The following LRPPRC variants were observed in gnomAD, a reference collection of about 807,000 sequenced individuals.
The protein encoded by LRPPRC is leucine-rich PPR motif-containing protein, mitochondrial.
Under a neutral mutation model 180.3 loss-of-function variants are expected in LRPPRC, and 120 were observed. That is an observed-to-expected ratio of 0.67 (90% CI 0.57 to 0.77). The LOEUF is 0.77. LRPPRC is among the 30% of genes least tolerant of loss of function. The probability of loss-of-function intolerance (pLI) is 0.00; values close to 1 mark genes in which losing one functional copy is unlikely to be tolerated. For missense variants in LRPPRC, 2,012 were observed against 1,657.2 expected (o/e 1.21, Z -3.72); for synonymous variants, 723 against 600.0 (o/e 1.21, Z -3.00).
chr2:43,957,856 A>ATTCTT (rs1375372710), intron 13 of LRPPRC, among the ~76,000 whole-genome samples: 2 of 152,168 alleles, frequency 1.3e-5, no homozygotes, highest in Non-Finnish European at 2.9e-5. Context: ...GAGAGGAAAA[A>ATTCTT]TTCTTTTCTC....
intron 1 of LRPPRC, among the ~76,000 whole-genome samples, chr2:43,986,034 T>C (rs561589874): frequency 1.8e-4 from 28 of 152,330 alleles, no homozygotes; most frequent in African/African-American, 6.7e-4. Flanking sequence ...ATTGTTGTTT[T>C]AATTTATATT....
chr2:43,905,917 C>T, intron 30 of LRPPRC, 137 bp from the exon 31 acceptor site: 2 of 718,140 alleles, frequency 2.8e-6, no homozygotes, highest in East Asian at 5.4e-5. Context: ...GACCTGGAGA[C>T]AGCTTTTGTG....
At chr2:43,952,133 C>T (rs955031426) in intron 14 of LRPPRC, among the ~76,000 whole-genome samples, 3 of 150,948 alleles carry the variant, frequency 2.0e-5, no homozygotes, top group African/African-American at 7.3e-5. Flanking sequence ...GCGGAGGTTG[C>T]GGTGAGCCAA....
chr2:43,924,512 A>T (rs1030902764), intron 27 of LRPPRC, among the ~76,000 whole-genome samples: 1 of 152,200 alleles, frequency 6.6e-6, no homozygotes, highest in Non-Finnish European at 1.5e-5. Context: ...AGGAGATGAT[A>T]GGCTGAATAA....
At chr2:43,914,178 T>C (rs548377839) in intron 29 of LRPPRC, among the ~76,000 whole-genome samples, 2 of 152,218 alleles carry the variant, frequency 1.3e-5, no homozygotes, top group African/African-American at 2.4e-5. Context: ...GAAACTCTTG[T>C]TGTTTTCTAA....
At position 43,943,883 on chromosome 2, in the gene LRPPRC, T is replaced by C. The variant is rs976367124; in HGVS notation, c.2308A>G (p.Ile770Val). ...TCCTTCTCTTTCATCTCCTTCAGAA[T>C]GTTAATAGCATCTACAATGAAGTAA... ...KHGKLQDAIN[I>V]LKEMKEKDVL... The change falls in exon 23 of 38, where the codon ATT (isoleucine) becomes GTT (valine). Residue 770 changes from isoleucine to valine, a missense_variant. Ile to Val is a conservative substitution (Grantham distance 29). Transcript: ENST00000260665. 6 of 1,611,646 alleles carry C rather than the reference T, an allele frequency of 3.7e-6. No homozygotes were observed. Among genetic ancestry groups the C allele is most frequent in the African/African-American group, 1.3e-5 (1 of 74,876 alleles).
At position 43,975,142 on chromosome 2, in the gene LRPPRC, G is replaced by A. The variant is rs765843815; in HGVS notation, c.813C>T (p.Leu271=). ...AGIEPGPDTY[L]ALLNAYAEKG... The stretch of plus-strand genomic sequence containing the variant: ...TCTCAGCATATGCATTCAATAATGC[G>A]AGGTATGTGTCTGGACCAGGCTCAA... The change falls in exon 7 of 38, where the codon CTC becomes CTT. Residue 271 remains leucine (L), a synonymous_variant. Coordinates refer to ENST00000260665, the MANE Select transcript of LRPPRC (RefSeq NM_133259.4). 22 of 1,612,930 alleles carry A rather than the reference G, an allele frequency of 1.4e-5. No individual in the cohort carries two copies. In the South Asian group the frequency reaches 2.1e-4, roughly 15 times the overall value.
rs763321102 is a variant in LRPPRC at position 43,894,639 on chromosome 2, T to C, written c.3901-10A>G. 2 of 1,366,024 alleles carry C rather than the reference T, an allele frequency of 1.5e-6. No homozygotes were observed. Among genetic ancestry groups the C allele is most frequent in the South Asian group, 2.3e-5 (2 of 85,892 alleles). 84.6% of individuals were successfully genotyped at this position (1,366,024 alleles called of 1,614,324 possible). A position where few individuals can be genotyped will look rare whatever the true frequency, so the allele number is the denominator to read the frequency against. ...ATTTCACAGTTGATGCCTAGGAAAT[T>C]ACATAAAGGTAATATTATGAAAACC... On this transcript the variant is annotated splice_polypyrimidine_tract_variant and intron_variant, in intron 35 of 37. Coordinates refer to ENST00000260665, the MANE Select transcript of LRPPRC (RefSeq NM_133259.4).
chr2:43,911,385 T>C (rs539100177), intron 30 of LRPPRC, among the ~76,000 whole-genome samples: 1 of 152,056 alleles, frequency 6.6e-6, no homozygotes, highest in Non-Finnish European at 1.5e-5. Context: ...TTAGCAACAC[T>C]AGGACACTGC....
rs1670284010 is a variant in LRPPRC, at chr2:43,886,796, G to C, written c.*1804C>G. 1 of 152,176 alleles carries C rather than the reference G, an allele frequency of 6.6e-6. No homozygotes were observed. The highest frequency in any genetic ancestry group is 6.5e-5 in the Admixed American group (1 of 15,280). The allele number at this position is 152,176 out of a possible 1,614,324, so 9.4% of individuals were successfully genotyped here. On this transcript the variant is annotated 3_prime_UTR_variant, in exon 38 of 38. Coordinates refer to ENST00000260665, the MANE Select transcript of LRPPRC (RefSeq NM_133259.4). The stretch of plus-strand genomic sequence containing the variant: ...GTGAATGTTGACTAACTTGTGGTTA[G>C]CATGACTGCAAAAAAATGAGGCCTG...
rs762970920 is a variant in LRPPRC, at chr2:43,918,391, GTTTA to G, written c.2900_2903del (p.Ile967ThrfsTer26). The G allele has an allele frequency of 6.2e-7, 1 of 1,606,526 alleles. No homozygotes were observed. Among genetic ancestry groups the G allele is most frequent in the Non-Finnish European group, 8.5e-7 (1 of 1,173,454 alleles). ...CTGCATCAGCTCTTTGCCAGTCACC[GTTTA>G]TTTCTGTAGAATTTGATTAAGCAGA... On this transcript the variant is annotated frameshift_variant, in exon 28 of 38. Transcript: ENST00000260665. LOFTEE classifies it high-confidence loss of function.
intron 1 of LRPPRC, among the ~76,000 whole-genome samples, chr2:43,990,287 T>G (rs1674717238): frequency 6.6e-6 from 1 of 152,166 alleles, no homozygotes; most frequent in South Asian, 2.1e-4. Flanking sequence ...CCAAATCTAC[T>G]TTTCTTAATT....
In LRPPRC at chr2:43,901,391, A is replaced by G; in HGVS notation, c.3498T>C (p.Asn1166=). Residue 1166 remains asparagine, a synonymous_variant, in exon 32 of 38, where the codon AAT becomes AAC. Transcript: ENST00000260665. The part of the protein sequence containing the change: ...ENIEVVQKML[N]GLEDSIGLSK... ...AAAGTCCAATGGAGTCTTCGAGTCCATTTAACATCTTCTGAACTACTTCTA... is the reference window on the plus strand; with the variant it reads ...AAAGTCCAATGGAGTCTTCGAGTCCGTTTAACATCTTCTGAACTACTTCTA... 6.2e-7 allele frequency: 1 copy of G among 1,614,034 alleles called. No individual in the cohort carries two copies. The highest frequency in any genetic ancestry group is 8.5e-7 in the Non-Finnish European group (1 of 1,179,850).
chr2:43,891,400 G>A (rs1327427136), intron 36 of LRPPRC, among the ~76,000 whole-genome samples: 1 of 152,046 alleles, frequency 6.6e-6, no homozygotes, highest in African/African-American at 2.4e-5. Context: ...ACCCTGCCTT[G>A]GGCAAGTCTA....
intron 18 of LRPPRC, 147 bp from the exon 19 acceptor site, chr2:43,947,922 A>T (rs956378939): frequency 2.7e-5 from 18 of 663,756 alleles, no homozygotes; most frequent in Non-Finnish European, 4.9e-5. Context: ...TACTTTATTA[A>T]TCAATGTAAT....
At chr2:43,910,786 CACTGTTCTAGAAGAA>C (rs1366230840) in intron 30 of LRPPRC, among the ~76,000 whole-genome samples, 1 of 151,894 alleles carries the variant, frequency 6.6e-6, no homozygotes, top group Non-Finnish European at 1.5e-5. Context: ...GAGTAAGTAT[CACTGTTCTAGAAGAA>C]ACCCAATGAA....
intron 11 of LRPPRC, among the ~76,000 whole-genome samples, chr2:43,966,757 AAAAT>A (rs1351290406): frequency 6.6e-6 from 1 of 151,868 alleles, no homozygotes; most frequent in African/African-American, 2.4e-5. Context: ...TAAAAATAAA[AAAAT>A]AAATAAAAGC....
chr2:43,947,371 C>A lies in LRPPRC; in HGVS notation c.1966-1G>T. 1 of 1,488,668 alleles carries A rather than the reference C, an allele frequency of 6.7e-7. No individual in the cohort carries two copies. The highest frequency in any genetic ancestry group is 2.3e-5 in the East Asian group (1 of 44,144). The allele number at this position is 1,488,668 out of a possible 1,614,324, so 92.2% of individuals were successfully genotyped here. A position where few individuals can be genotyped will look rare whatever the true frequency, so the allele number is the denominator to read the frequency against. On this transcript the variant is annotated splice_acceptor_variant, in intron 19 of 37. Coordinates refer to ENST00000260665, the MANE Select transcript of LRPPRC (RefSeq NM_133259.4). LOFTEE classifies it high-confidence loss of function. ...ATTCAGATGATGTAAGTTGCACAGTCTACAGAAAAGAAAAAAGAAAAGAAA... is the reference window on the plus strand; with the variant it reads ...ATTCAGATGATGTAAGTTGCACAGTATACAGAAAAGAAAAAAGAAAAGAAA...
chr2:43,984,176 T>C (rs1201738442), intron 1 of LRPPRC, among the ~76,000 whole-genome samples: 3 of 152,120 alleles, frequency 2.0e-5, no homozygotes, highest in Admixed American at 2.0e-4. Flanking sequence ...AAGCACAAAG[T>C]GACATTATTT....
Sources: gnomAD v4.1 joint callset for allele counts (sites outside exome capture counted in the v4.1 genomes callset) on GRCh38, gnomAD v4.1.1 for gene constraint, MANE v1.5 for transcripts, NCBI Gene and HGNC (gene_info 2026-07-23, HGNC 2026-07-21) for gene names.